The following DENND4B variants were observed in gnomAD, a reference collection of about 807,000 sequenced individuals.
DENND4B encodes the protein DENN domain containing 4B.
In DENND4B, 67 loss-of-function variants were observed where a neutral mutation model predicts 161.0. The ratio of observed to expected loss-of-function variants is 0.42; its 90% CI spans 0.34 to 0.51. The LOEUF is 0.51. Among genes scored for constraint, DENND4B ranks in the 20% least tolerant of loss-of-function variants. The pLI is 0.08. For missense variants in DENND4B, 1,481 were observed against 1,968.0 expected, an observed-to-expected ratio of 0.75 and a Z score of 4.68; for synonymous variants, 753 against 813.8, an observed-to-expected ratio of 0.93 and a Z score of 1.27.
Position 153,932,427 on chromosome 1 carries a change from C to T in DENND4B, c.3773G>A (p.Arg1258Gln), listed in dbSNP as rs367602023. Residue 1258 changes from arginine (R) to glutamine (Q), a missense_variant, in exon 24 of 28, where the codon CGG (arginine) becomes CAG (glutamine). Around this residue, in one of 3 missense-constraint regions of DENND4B, gnomAD observed 336 missense variants for 503.3 expected, o/e 0.67. Coordinates refer to ENST00000361217, the MANE Select transcript of DENND4B (RefSeq NM_014856.3). The surrounding 1 kb of genome is among the most constrained non-coding windows in gnomAD (Gnocchi z 5.8). ...CNGHMGGASR[R>Q]VESGAWAYLS... ...GTATGCCCATGCCCCACTCTCAACC[C>T]GCCGGGAGGCTCCCTATCAGGCACA... 3.2e-5 allele frequency: 52 copies of T among 1,609,134 alleles called. No homozygotes were observed. Among genetic ancestry groups the T allele is most frequent in the African/African-American group, 5.3e-5 (4 of 74,808 alleles).
rs983934930 is a variant in DENND4B, at chr1:153,938,338, G to A, written c.1966-475C>T. Among the ~76,000 whole-genome samples, 6 of 152,094 alleles carry A rather than the reference G, an allele frequency of 3.9e-5. No homozygotes were observed. The South Asian group carries it at 1.2e-3, about 32-fold the overall frequency. On this transcript the variant is annotated intron_variant, in intron 13 of 27. Coordinates refer to ENST00000361217, the MANE Select transcript of DENND4B (RefSeq NM_014856.3). ...GCAGGAGAATCACTTGAACCTGGGA[G>A]GTGGAGGTTGCAGTGAGCCGATATC...
At chr1:153,938,688 C>A (rs1679492615) in intron 13 of DENND4B, among the ~76,000 whole-genome samples, 3 of 141,500 alleles carry the variant, frequency 2.1e-5, no homozygotes, top group Admixed American at 7.1e-5. Flanking sequence ...GGCGACAGAG[C>A]AAGACTTCGT....
rs1571026415 is a variant in DENND4B, at chr1:153,930,644, T to G, written c.4281-41A>C. ...AAGTGTATGAGTGAGAGAAAAGGGG[T>G]GTGGAGCCCCGGACAGACCAGGGAT... On this transcript the variant is annotated intron_variant, in intron 26 of 27. Coordinates refer to ENST00000361217, the MANE Select transcript of DENND4B (RefSeq NM_014856.3). The surrounding 1 kb of genome is among the most constrained non-coding windows in gnomAD (Gnocchi z 4.7). The G allele has an allele frequency of 1.9e-6, 3 of 1,613,650 alleles. No homozygotes were observed. Among genetic ancestry groups the G allele is most frequent in the Non-Finnish European group, 2.5e-6 (3 of 1,179,746 alleles).
chr1:153,936,505 G>A lies in DENND4B; in HGVS notation c.2439+37C>T. ...CCTCTCCAGCTGCACAAGGCTCACTGGGCCTGGGTATGAGCATGGTCACAT... is the reference window on the plus strand; with the variant it reads ...CCTCTCCAGCTGCACAAGGCTCACTAGGCCTGGGTATGAGCATGGTCACAT... On this transcript the variant is annotated intron_variant, in intron 16 of 27. Transcript: ENST00000361217. This position sits in a 1 kb window ranked among gnomAD's most constrained non-coding sequence, Gnocchi z 4.1. 1 of 1,519,224 alleles carries A rather than the reference G, an allele frequency of 6.6e-7. No individual in the cohort carries two copies. Among genetic ancestry groups the A allele is most frequent in the Non-Finnish European group, 8.9e-7 (1 of 1,126,394 alleles). The allele number at this position is 1,519,224 out of a possible 1,614,324, so 94.1% of individuals were successfully genotyped here.
chr1:153,946,855 C>T (rs760983702), upstream of DENND4B, among the ~76,000 whole-genome samples: 7 of 152,232 alleles, frequency 4.6e-5, no homozygotes, highest in Non-Finnish European at 1.0e-4. The surrounding 1 kb of genome is among the most constrained non-coding windows in gnomAD (Gnocchi z 6.3). Context: ...GCGCTCCCTT[C>T]CCGCCTGGGT....
rs776691972 is a variant in DENND4B, at chr1:153,936,762, G to C, written c.2233-14C>G. 3 of 1,561,294 alleles carry C rather than the reference G, an allele frequency of 1.9e-6. No individual in the cohort carries two copies. Among genetic ancestry groups the C allele is most frequent in the Non-Finnish European group, 2.6e-6 (3 of 1,150,670 alleles). On this transcript the variant is annotated splice_polypyrimidine_tract_variant and intron_variant, in intron 15 of 27. Coordinates refer to ENST00000361217, the MANE Select transcript of DENND4B (RefSeq NM_014856.3). The surrounding 1 kb of genome is among the most constrained non-coding windows in gnomAD (Gnocchi z 4.1). ...AACTTTCATCTCCTAGGTAGGACAG[G>C]GGACACATCAGGGTGAGTACAATGC... is the stretch of plus-strand genomic sequence containing the variant.
Position 153,932,893 on chromosome 1 carries a change from C to T in DENND4B, c.3591G>A (p.Leu1197=). The T allele has an allele frequency of 6.2e-7, 1 of 1,613,980 alleles. No individual in the cohort carries two copies. The highest frequency in any genetic ancestry group is 1.1e-5 in the South Asian group (1 of 91,086). ...GGGAATCAAGGGTCTGGACACTGAG[C>T]AGGGGCACAAAGGGGCAGGCGCAGA... ...CPFCACPFVP[L]LSVQTLDSRP... Residue 1197 remains leucine (L), a synonymous_variant, in exon 22 of 28, where the codon CTG becomes CTA. Transcript: ENST00000361217. The surrounding 1 kb of genome is among the most constrained non-coding windows in gnomAD (Gnocchi z 5.8).
chr1:153,941,475 C>T (rs1394301158), intron 6 of DENND4B, 35 bp from the exon 7 acceptor site: 1 of 1,583,590 alleles, frequency 6.3e-7, no homozygotes, highest in Non-Finnish European at 8.6e-7. Context: ...AGCATACTCC[C>T]CCGTCCATCC....
At position 153,935,369 on chromosome 1, in the gene DENND4B, C is replaced by T. The variant is rs144672096; in HGVS notation, c.2569-405G>A. ...TATTCTTTTTTCTTTTTTTTCGAGACGGAGTCTTGCTCTGTCGCCCAGGCT... is the reference window on the plus strand; with the variant it reads ...TATTCTTTTTTCTTTTTTTTCGAGATGGAGTCTTGCTCTGTCGCCCAGGCT... On this transcript the variant is annotated intron_variant, in intron 17 of 27. Coordinates refer to ENST00000361217, the MANE Select transcript of DENND4B (RefSeq NM_014856.3). 8.4e-4 allele frequency: 145 copies of T among 173,414 alleles called. 1 individual carries two copies. Among genetic ancestry groups the T allele is most frequent in the African/African-American group, 3.2e-3 (134 of 42,054 alleles). 10.7% of individuals were successfully genotyped at this position (173,414 alleles called of 1,614,324 possible).
chr1:153,941,771 C>T, intron 6 of DENND4B, 98 bp downstream of exon 6: 1 of 1,465,972 alleles, frequency 6.8e-7, no homozygotes, highest in East Asian at 2.4e-5. Flanking sequence ...TTACCCTGTG[C>T]CCAGCCCTCC....
rs1162760981 is a variant in DENND4B, at chr1:153,942,312, G to A, written c.685C>T (p.Leu229=). The A allele has an allele frequency of 1.2e-6, 2 of 1,613,708 alleles. No homozygotes were observed. Among genetic ancestry groups the A allele is most frequent in the Non-Finnish European group, 1.7e-6 (2 of 1,179,804 alleles). The part of the protein sequence containing the change: ...YPEEDNEAFP[L]PESVPVFCLP... ...CAGAAGACGGGCACTGACTCGGGCAGCGGGAACGCCTCATTGTCCTCCTCC... is the reference window on the plus strand; with the variant it reads ...CAGAAGACGGGCACTGACTCGGGCAACGGGAACGCCTCATTGTCCTCCTCC... The change falls in exon 5 of 28, where the codon CTG becomes TTG. Residue 229 remains leucine, a synonymous_variant. Transcript: ENST00000361217. This position sits in a 1 kb window ranked among gnomAD's most constrained non-coding sequence, Gnocchi z 6.9.
chr1:153,946,604 G>A lies in DENND4B; in HGVS notation c.-327C>T, dbSNP rs1237719956. 2 of 386,098 alleles carry A rather than the reference G, an allele frequency of 5.2e-6. No homozygotes were observed. Among genetic ancestry groups the A allele is most frequent in the Non-Finnish European group, 9.2e-6 (2 of 218,114 alleles). The allele number at this position is 386,098 out of a possible 1,614,324, so 23.9% of individuals were successfully genotyped here. A position where few individuals can be genotyped will look rare whatever the true frequency, so the allele number is the denominator to read the frequency against. ...GCTCCCGCGGCGCCGGGGACCCAGC[G>A]TTCCTCCGCGCGCCCCGCTTTCTCT... On this transcript the variant is annotated 5_prime_UTR_variant, in exon 1 of 28. The change creates a new upstream start codon in the 5' untranslated region. Transcript: ENST00000361217. This position sits in a 1 kb window ranked among gnomAD's most constrained non-coding sequence, Gnocchi z 6.3.
chr1:153,946,822 C>T (rs1196993178), upstream of DENND4B: 1 of 351,194 alleles, frequency 2.8e-6, no homozygotes, highest in Non-Finnish European at 5.1e-6. This position sits in a 1 kb window ranked among gnomAD's most constrained non-coding sequence, Gnocchi z 6.3. Context: ...ACACTGACCC[C>T]AGGCGACCCA....
rs779046039 is a variant in DENND4B at position 153,933,698 on chromosome 1, G to A, written c.3115C>T (p.Arg1039Trp). The change falls in exon 20 of 28, where the codon CGG becomes TGG. Residue 1039 changes from arginine (R) to tryptophan (W), a missense_variant. Arg to Trp is a moderately radical substitution (Grantham distance 101). Coordinates refer to ENST00000361217, the MANE Select transcript of DENND4B (RefSeq NM_014856.3). The surrounding 1 kb of genome is among the most constrained non-coding windows in gnomAD (Gnocchi z 5.7). ...TGTCGCCCACCAGCCTTGGGTCCCC[G>A]CCCACTTAGCCCTTCCAGGGCCTCA... ...STEALEGLSG[R>W]GPKAGGRQDE... is the part of the protein sequence containing the mutation. The A allele has an allele frequency of 1.3e-5, 21 of 1,576,666 alleles. No individual in the cohort carries two copies. The highest frequency in any genetic ancestry group is 2.7e-5 in the African/African-American group (2 of 73,892).
In DENND4B at chr1:153,933,234, C is replaced by G; in HGVS notation, c.3416G>C (p.Ser1139Thr). ...LSLRRSSERL[S>T]DTPGSFQSPS... Reference sequence around the variant, plus strand: ...TGACTGGAAGGATCCAGGGGTGTCACTGAGGCGCTCTGAGGAACGGCGAAG... The same window carrying G: ...TGACTGGAAGGATCCAGGGGTGTCAGTGAGGCGCTCTGAGGAACGGCGAAG... Residue 1139 changes from serine (S) to threonine (T), a missense_variant, in exon 21 of 28, where the codon AGT (serine) becomes ACT (threonine). Ser to Thr is a moderately conservative substitution (Grantham distance 58). Around this residue, in one of 3 missense-constraint regions of DENND4B, gnomAD observed 336 missense variants for 503.3 expected, o/e 0.67. Coordinates refer to ENST00000361217, the MANE Select transcript of DENND4B (RefSeq NM_014856.3). The surrounding 1 kb of genome is among the most constrained non-coding windows in gnomAD (Gnocchi z 5.7). The G allele has an allele frequency of 1.2e-6, 2 of 1,613,058 alleles. No individual in the cohort carries two copies. The highest frequency in any genetic ancestry group is 1.7e-6 in the Non-Finnish European group (2 of 1,179,538).
chr1:153,935,036 T>C (rs1029132290), intron 17 of DENND4B, 72 bp from the exon 18 acceptor site: 2 of 1,576,412 alleles, frequency 1.3e-6, no homozygotes, highest in African/African-American at 2.7e-5. Context: ...ACTCCCTGTC[T>C]TGGAGCCCCA....
Position 153,946,531 on chromosome 1 carries a change from C to G in DENND4B, c.-254G>C, listed in dbSNP as rs961306430. 8.5e-5 allele frequency: 33 copies of G among 390,066 alleles called. No homozygotes were observed. The highest frequency in any genetic ancestry group is 1.4e-4 in the Non-Finnish European group (31 of 220,478). The allele number at this position is 390,066 out of a possible 1,614,324, so 24.2% of individuals were successfully genotyped here. ...CGCGTCCCCGCCGCGCTGCGCCACG[C>G]GGGGACTGTGCTGCCGCGCTGCTCG... On this transcript the variant is annotated 5_prime_UTR_variant, in exon 1 of 28. Coordinates refer to ENST00000361217, the MANE Select transcript of DENND4B (RefSeq NM_014856.3). This position sits in a 1 kb window ranked among gnomAD's most constrained non-coding sequence, Gnocchi z 6.3.
In DENND4B at chr1:153,941,038, A is replaced by G; in HGVS notation, c.1192T>C (p.Phe398Leu). The G allele has an allele frequency of 6.4e-7, 1 of 1,558,276 alleles. No homozygotes were observed. The highest frequency in any genetic ancestry group is 8.7e-7 in the Non-Finnish European group (1 of 1,153,240). ...CCCAGGCTCTGCAGCAGCTGCAGGA[A>G]GCTGGCACCACTGCAGGCAATGCCG... is the stretch of plus-strand genomic sequence containing the variant. ...SSPLPLSGAS[F>L]LQLLQSLGPE... The change falls in exon 9 of 28, where the codon TTC (phenylalanine) becomes CTC (leucine). Residue 398 changes from phenylalanine (F) to leucine (L), a missense_variant. Around this residue, in one of 3 missense-constraint regions of DENND4B, gnomAD observed 806 missense variants for 1,134.4 expected, o/e 0.71. Transcript: ENST00000361217.
rs778083849 is a variant in DENND4B, at chr1:153,933,583, G to A, written c.3230C>T (p.Pro1077Leu). Residue 1077 changes from proline to leucine, a missense_variant, in exon 20 of 28, where the codon CCC becomes CTC. This residue lies in a region of DENND4B where 339 missense variants were observed against 330.3 expected (regional missense o/e 1.03). Transcript: ENST00000361217. The surrounding 1 kb of genome is among the most constrained non-coding windows in gnomAD (Gnocchi z 5.7). The part of the protein sequence containing the change: ...PSRHSPASRI[P>L]PPELPPDLPP... ...CAGGTCAGGAGGCAGCTCAGGTGGG[G>A]GAATGCGGGAGGCAGGGGAGTGGCG... is the stretch of plus-strand genomic sequence containing the variant. 31 of 1,566,764 alleles carry A rather than the reference G, an allele frequency of 2.0e-5. No homozygotes were observed. The highest frequency in any genetic ancestry group is 2.5e-5 in the Non-Finnish European group (29 of 1,158,734).
Sources: allele counts gnomAD v4.1 joint callset (sites outside exome capture counted in the v4.1 genomes callset), GRCh38; gene constraint gnomAD v4.1.1; regional missense constraint gnomAD v4.1.1; non-coding constraint Gnocchi (gnomAD v3.1); transcripts MANE v1.5; gene names NCBI Gene and HGNC (gene_info 2026-07-23, HGNC 2026-07-21).